The following MYO18B variants were observed in gnomAD, a reference collection of about 807,000 sequenced individuals.
The protein encoded by MYO18B is unconventional myosin-XVIIIb.
A neutral mutation model predicts 273.0 loss-of-function variants in MYO18B; 204 were observed. That is an observed-to-expected ratio of 0.75 (90% confidence interval 0.67 to 0.84). The LOEUF (loss-of-function observed/expected upper bound fraction) is 0.84, where lower values mean the gene tolerates loss of function less well. Ranked by LOEUF, MYO18B falls within the 40% of genes least tolerant of loss-of-function variation. The pLI, the probability that MYO18B is intolerant of heterozygous loss-of-function variation, is 0.00. For synonymous variants in MYO18B, 1,330 were observed against 1,305.7 expected (o/e 1.02, Z -0.40); for missense variants, 3,212 against 3,287.6 (o/e 0.98, Z 0.56).
chr22:25,902,252 G>T (rs958582187), intron 29 of MYO18B, among the ~76,000 whole-genome samples: 4 of 152,096 alleles, frequency 2.6e-5, no homozygotes, highest in African/African-American at 7.2e-5. Flanking sequence ...CATTTTAGTA[G>T]GGAGATGATG....
intron 12 of MYO18B, among the ~76,000 whole-genome samples, chr22:25,801,923 C>T (rs1257468764): frequency 6.6e-6 from 1 of 152,204 alleles, no homozygotes; most frequent in Admixed American, 6.5e-5. Flanking sequence ...AGACCAGCCT[C>T]TGGGACCACA....
At chr22:25,847,153 C>T (rs140241291) in intron 19 of MYO18B, among the ~76,000 whole-genome samples, 2 of 152,228 alleles carry the variant, frequency 1.3e-5, no homozygotes, top group African/African-American at 4.8e-5. Context: ...TGCCCTTAGT[C>T]CGAGTCCTGA....
chr22:26,061,643 C>G, the MYO18B span, among the ~76,000 whole-genome samples: 1 of 151,660 alleles, frequency 6.6e-6, no homozygotes, highest in African/African-American at 2.4e-5. Flanking sequence ...GAAACGTCAT[C>G]TACCACCAAG....
chr22:25,824,763 A>T (rs1199286935), intron 13 of MYO18B, among the ~76,000 whole-genome samples: 2 of 151,296 alleles, frequency 1.3e-5, no homozygotes, highest in Non-Finnish European at 2.9e-5. Flanking sequence ...CTTGAAGATT[A>T]CCTCTCCTCT....
intron 27 of MYO18B, 104 bp downstream of exon 27, chr22:25,891,516 G>T: frequency 1.4e-6 from 1 of 708,824 alleles, no homozygotes. Context: ...GATATTGCAT[G>T]AGGGGCTGCG....
chr22:25,896,474 T>C (rs1196951638), intron 28 of MYO18B: 3 of 152,238 alleles, frequency 2.0e-5, no homozygotes, highest in Non-Finnish European at 4.4e-5. Flanking sequence ...TCAACTGCTC[T>C]TCCCCCTCAT....
At chr22:25,782,641 C>T (rs1417323568) in intron 10 of MYO18B, among the ~76,000 whole-genome samples, 1 of 152,204 alleles carries the variant, frequency 6.6e-6, no homozygotes, top group African/African-American at 2.4e-5. Context: ...GGTTTTCCCA[C>T]ATGAGGGGTG....
chr22:25,773,936 G>A (rs1939283966), intron 7 of MYO18B, among the ~76,000 whole-genome samples: 1 of 152,164 alleles, frequency 6.6e-6, no homozygotes, highest in South Asian at 2.1e-4. Context: ...GAGGCAGGGA[G>A]GCCTGTCGGA....
the MYO18B span, among the ~76,000 whole-genome samples, chr22:26,063,419 T>C: frequency 1.3e-5 from 2 of 152,036 alleles, no homozygotes. Flanking sequence ...AACCACCCTC[T>C]CAACAGGTGA....
At chr22:25,844,970 C>T (rs1241779987) in intron 18 of MYO18B, among the ~76,000 whole-genome samples, 1 of 152,216 alleles carries the variant, frequency 6.6e-6, no homozygotes, top group African/African-American at 2.4e-5. Flanking sequence ...GACGATGCTA[C>T]AAGACTCAGC....
At chr22:25,840,198 C>G (rs2090041052) in intron 17 of MYO18B, among the ~76,000 whole-genome samples, 1 of 152,224 alleles carries the variant, frequency 6.6e-6, no homozygotes, top group African/African-American at 2.4e-5. Flanking sequence ...CACTGTCTCC[C>G]CAGGGCCCTG....
intron 18 of MYO18B, among the ~76,000 whole-genome samples, chr22:25,844,366 G>A (rs2090174062): frequency 6.6e-6 from 1 of 151,130 alleles, no homozygotes; most frequent in South Asian, 2.1e-4. Context: ...GGAAAATGCT[G>A]TGTGTGTGTG....
chr22:25,948,474 CTTT>C, intron 36 of MYO18B, among the ~76,000 whole-genome samples: 4 of 114,634 alleles, frequency 3.5e-5, no homozygotes, highest in African/African-American at 1.3e-4. Flanking sequence ...TTCTTTCTTT[CTTT>C]CTTTCTTTCT....
intron 33 of MYO18B, among the ~76,000 whole-genome samples, chr22:25,919,808 C>T (rs759348486): frequency 6.6e-6 from 1 of 152,056 alleles, no homozygotes; most frequent in South Asian, 2.1e-4. Context: ...TCAAAACCAG[C>T]AGTAGAGAAA....
chr22:25,844,879 C>A (rs2090188497), intron 18 of MYO18B, among the ~76,000 whole-genome samples: 1 of 152,156 alleles, frequency 6.6e-6, no homozygotes, highest in Non-Finnish European at 1.5e-5. Context: ...TCAGCCCTGC[C>A]CTTTGTCACC....
At chr22:25,846,833 G>T (rs1267219581) in intron 19 of MYO18B, among the ~76,000 whole-genome samples, 3 of 152,190 alleles carry the variant, frequency 2.0e-5, no homozygotes, top group Non-Finnish European at 4.4e-5. Flanking sequence ...TGTAATTCCA[G>T]CACTTTGGGA....
At chr22:25,950,500 A>G in intron 37 of MYO18B, 50 bp downstream of exon 37, 1 of 1,139,982 alleles carries the variant, frequency 8.8e-7, no homozygotes, top group Non-Finnish European at 1.2e-6. Flanking sequence ...GTTTTCTTAG[A>G]GGGACAGAAC....
At chr22:25,966,455 T>C (rs530472776) in intron 39 of MYO18B, among the ~76,000 whole-genome samples, 1 of 152,310 alleles carries the variant, frequency 6.6e-6, no homozygotes, top group South Asian at 2.1e-4. Flanking sequence ...GGCTGGGAAC[T>C]GAAGTATTTA....
intron 34 of MYO18B, among the ~76,000 whole-genome samples, chr22:25,922,067 A>G (rs2092356113): frequency 6.6e-6 from 1 of 152,178 alleles, no homozygotes; most frequent in African/African-American, 2.4e-5. Flanking sequence ...GTATCTCTGC[A>G]CATGGTGCTG....
Sources: gnomAD v4.1 joint callset for allele counts (sites outside exome capture counted in the v4.1 genomes callset) on GRCh38, gnomAD v4.1.1 for gene constraint, MANE v1.5 for transcripts, NCBI Gene and HGNC (gene_info 2026-07-23, HGNC 2026-07-21) for gene names.